ODR4: variants seen among roughly 807,000 people sequenced by gnomAD.
The protein encoded by ODR4 is protein odr-4 homolog.
ODR4 carries 47 observed loss-of-function variants against 60.2 expected under a neutral mutation model. The observed-to-expected ratio is 0.78, with a 90% CI of 0.62 to 1.00. The LOEUF (loss-of-function observed/expected upper bound fraction) is 1.00. Among genes scored for constraint, ODR4 ranks in the 50% least tolerant of loss-of-function variants. The probability of loss-of-function intolerance (pLI) is 0.00; values close to 1 mark genes in which losing one functional copy is unlikely to be tolerated. For synonymous variants in ODR4, 178 were observed against 175.5 expected (o/e 1.01, Z -0.11); for missense variants, 488 against 530.8 (o/e 0.92, Z 0.79).
At chr1:186,421,761 G>A (rs1476389861), downstream of ODR4, among the ~76,000 whole-genome samples, 1 of 151,788 alleles carries the variant, frequency 6.6e-6, no homozygotes, top group African/African-American at 2.4e-5. Context: ...CTACTCTGGA[G>A]GCTGAGGTGG....
At chr1:186,385,326 A>G (rs1327456752) in intron 3 of ODR4, among the ~76,000 whole-genome samples, 1 of 147,820 alleles carries the variant, frequency 6.8e-6, no homozygotes, top group Non-Finnish European at 1.5e-5. Flanking sequence ...AAAAATAGGG[A>G]TACAGAGGTA....
At chr1:186,397,827 G>A (rs1660761765) in intron 9 of ODR4, among the ~76,000 whole-genome samples, 1 of 152,210 alleles carries the variant, frequency 6.6e-6, no homozygotes, top group Non-Finnish European at 1.5e-5. Context: ...ACTAGTCTAT[G>A]AAAGTTTTTG....
Position 186,399,035 on chromosome 1 carries a change from G to GA in ODR4, c.999dup (p.Asp334ArgfsTer3). 5.6e-6 allele frequency: 9 copies of GA among 1,606,222 alleles called. No homozygotes were observed. Among genetic ancestry groups the GA allele is most frequent in the Non-Finnish European group, 7.7e-6 (9 of 1,175,756 alleles). On this transcript the variant is annotated frameshift_variant, in exon 11 of 14. Transcript: ENST00000287859. LOFTEE classifies it high-confidence loss of function. ...GGATCTGCTTTTGAATGAAATTCCA[G>GA]AAAAAAAAGTTATGAGTATAAAATA...
rs555807474 is a variant in ODR4, at chr1:186,406,357, AT to A, written c.1186+97del. ...TCTAGTTTAAATATCATGTCTTTAG[AT>A]TTTTTTTAAAGCTAGTTCTGTTTGA... On this transcript the variant is annotated intron_variant, in intron 12 of 13. Transcript: ENST00000287859. The A allele has an allele frequency of 1.0e-4, 103 of 1,014,776 alleles. No individual in the cohort carries two copies. The South Asian group carries it at 1.1e-3, about 11-fold the overall frequency. 62.9% of individuals were successfully genotyped at this position (1,014,776 alleles called of 1,614,324 possible). A position where few individuals can be genotyped will look rare whatever the true frequency, so the allele number is the denominator to read the frequency against.
At chr1:186,417,393 A>G (rs1661613127) in intron 12 of ODR4, 151 bp from the exon 13 acceptor site, 3 of 619,974 alleles carry the variant, frequency 4.8e-6, no homozygotes, top group African/African-American at 3.8e-5. Context: ...TTCACCTACA[A>G]TTGATAATGA....
chr1:186,423,127 A>G (rs191921974), downstream of ODR4, among the ~76,000 whole-genome samples: 1 of 152,336 alleles, frequency 6.6e-6, no homozygotes, highest in East Asian at 1.9e-4. Flanking sequence ...TGAATAGTAA[A>G]CAATAATTAA....
chr1:186,399,596 C>T (rs1660843263), intron 11 of ODR4, among the ~76,000 whole-genome samples: 1 of 152,038 alleles, frequency 6.6e-6, no homozygotes, highest in Admixed American at 6.6e-5. Flanking sequence ...AAATTAATTC[C>T]AAGTGAACTT....
chr1:186,405,315 T>C (rs1326588720), intron 11 of ODR4, among the ~76,000 whole-genome samples: 1 of 152,126 alleles, frequency 6.6e-6, no homozygotes, highest in Non-Finnish European at 1.5e-5. Flanking sequence ...AAAAATGTAT[T>C]CTATCAGATC....
At chr1:186,406,390 G>C in intron 12 of ODR4, 122 bp downstream of exon 12, 2 of 601,166 alleles carry the variant, frequency 3.3e-6, no homozygotes, top group Non-Finnish European at 5.4e-6. Flanking sequence ...TTGACACTTC[G>C]AAATATTAAC....
At chr1:186,411,377 T>C (rs1472259049) in intron 12 of ODR4, among the ~76,000 whole-genome samples, 3 of 152,234 alleles carry the variant, frequency 2.0e-5, no homozygotes, top group Admixed American at 1.3e-4. Context: ...CTCTGTAATA[T>C]ACAGTGTATG....
At chr1:186,400,613 C>T (rs1660904218) in intron 11 of ODR4, 1 of 165,276 alleles carries the variant, frequency 6.1e-6, no homozygotes, top group Non-Finnish European at 1.3e-5. Flanking sequence ...TTTTTATGTT[C>T]ATAGGAAAAA....
chr1:186,429,561 C>T, the ODR4 span, among the ~76,000 whole-genome samples: 3 of 152,132 alleles, frequency 2.0e-5, no homozygotes, highest in Non-Finnish European at 4.4e-5. Flanking sequence ...TAATCGCAGT[C>T]TGTCTTTTAC....
At chr1:186,385,828 T>G (rs1289651956) in intron 3 of ODR4, among the ~76,000 whole-genome samples, 160 bp from the exon 4 acceptor site, 2 of 152,138 alleles carry the variant, frequency 1.3e-5, no homozygotes, top group Non-Finnish European at 2.9e-5. Context: ...GAAAAGGATT[T>G]ATTTATTGAT....
At chr1:186,418,374 T>C (rs1030359894) in intron 13 of ODR4, among the ~76,000 whole-genome samples, 1 of 148,684 alleles carries the variant, frequency 6.7e-6, no homozygotes, top group Admixed American at 6.8e-5. Flanking sequence ...CACTGCAAGC[T>C]CCGCTTCCCG....
intron 11 of ODR4, chr1:186,401,001 C>T (rs1304258646): frequency 6.4e-7 from 1 of 1,552,122 alleles, no homozygotes; most frequent in Non-Finnish European, 8.8e-7. Context: ...TTCTGAGCAA[C>T]AGTGTATATT....
chr1:186,420,473 G>C lies in ODR4; in HGVS notation c.*1397G>C, dbSNP rs1392235908. ...GGCACAAGTTGAAACAAACTAACAT[G>C]ACAAGAAAGCTATAGAAAAAATAAA... On this transcript the variant is annotated 3_prime_UTR_variant, in exon 14 of 14. Coordinates refer to ENST00000287859, the MANE Select transcript of ODR4 (RefSeq NM_017847.6). 6.6e-6 allele frequency: 1 copy of C among 152,110 alleles called. No homozygotes were observed. Among genetic ancestry groups the C allele is most frequent in the Non-Finnish European group, 1.5e-5 (1 of 68,020 alleles). The allele number at this position is 152,110 out of a possible 1,614,324, so 9.4% of individuals were successfully genotyped here.
At chr1:186,427,040 C>G in the ODR4 span, among the ~76,000 whole-genome samples, 1 of 152,182 alleles carries the variant, frequency 6.6e-6, no homozygotes, top group Non-Finnish European at 1.5e-5. Flanking sequence ...TCATAATCTT[C>G]ATAACCTTCA....
At chr1:186,390,657 A>G (rs2102035411) in intron 6 of ODR4, 54 bp from the exon 7 acceptor site, 1 of 1,554,006 alleles carries the variant, frequency 6.4e-7, no homozygotes, top group Non-Finnish European at 8.8e-7. Flanking sequence ...TTGTTGATCC[A>G]TGTATTTTAT....
At chr1:186,418,958 T>G in intron 13 of ODR4, 51 bp from the exon 14 acceptor site, 1 of 1,527,818 alleles carries the variant, frequency 6.5e-7, no homozygotes. Flanking sequence ...TAGTTTGGCC[T>G]TTCTTTTGCT....
Sources: allele counts gnomAD v4.1 joint callset (sites outside exome capture counted in the v4.1 genomes callset), GRCh38; gene constraint gnomAD v4.1.1; transcripts MANE v1.5; gene names NCBI Gene and HGNC (gene_info 2026-07-23, HGNC 2026-07-21).